The following DYTN variants were observed in gnomAD, a reference collection of about 807,000 sequenced individuals.
DYTN encodes dystrotelin.
Under a neutral mutation model 69.6 loss-of-function variants are expected in DYTN, and 75 were observed. The observed-to-expected ratio is 1.08, with a 90% CI of 0.89 to 1.31. The LOEUF (loss-of-function observed/expected upper bound fraction) is 1.31, where lower values mean the gene tolerates loss of function less well. Ranked by LOEUF, DYTN falls within the 50% of genes most tolerant of loss-of-function variation. The probability of loss-of-function intolerance (pLI) is 0.00; values close to 1 mark genes in which losing one functional copy is unlikely to be tolerated. For synonymous variants in DYTN, 252 were observed against 249.1 expected (o/e 1.01, Z -0.11); for missense variants, 726 against 688.4 (o/e 1.05, Z -0.61).
chr2:206,660,506 TA>T (rs1433178999), intron 11 of DYTN, among the ~76,000 whole-genome samples: 4 of 152,100 alleles, frequency 2.6e-5, no homozygotes, highest in African/African-American at 9.7e-5. Flanking sequence ...AAATAAAAAA[TA>T]AAAACAACAT....
chr2:206,660,209 C>T (rs1475669847), intron 11 of DYTN, among the ~76,000 whole-genome samples: 3 of 152,122 alleles, frequency 2.0e-5, no homozygotes, highest in African/African-American at 7.2e-5. Context: ...TACATTATTG[C>T]ATCAACTGAA....
At chr2:206,657,609 AT>A (rs1351713170) in intron 11 of DYTN, among the ~76,000 whole-genome samples, 2 of 152,116 alleles carry the variant, frequency 1.3e-5, no homozygotes, top group East Asian at 3.8e-4. Flanking sequence ...GCCTGTATAT[AT>A]TTACCTTTAC....
chr2:206,694,206 G>A (rs1574598902), intron 8 of DYTN, among the ~76,000 whole-genome samples: 1 of 152,238 alleles, frequency 6.6e-6, no homozygotes, highest in East Asian at 1.9e-4. Context: ...TTCTTACAAA[G>A]AACTGAATTC....
At chr2:206,705,923 T>G in intron 3 of DYTN, 50 bp from the exon 4 acceptor site, 1 of 1,582,614 alleles carries the variant, frequency 6.3e-7, no homozygotes, top group Non-Finnish European at 8.6e-7. Context: ...CAGGGTTACC[T>G]TTGGTGTAAT....
intron 11 of DYTN, among the ~76,000 whole-genome samples, chr2:206,662,505 A>G (rs2115589): frequency 0.031 from 4,756 of 152,230 alleles, 106 homozygotes; most frequent in Middle Eastern, 0.061. Context: ...CTTATAACAT[A>G]GAAACTGCAA....
At chr2:206,710,391 G>C (rs936834208) in intron 2 of DYTN, 133 bp downstream of exon 2, 33 of 789,784 alleles carry the variant, frequency 4.2e-5, no homozygotes, top group Middle Eastern at 2.3e-4. Context: ...TCACGAATGG[G>C]CTAAATGCAC....
chr2:206,653,410 T>C (rs1699409527), intron 11 of DYTN, among the ~76,000 whole-genome samples: 1 of 152,194 alleles, frequency 6.6e-6, no homozygotes, highest in Non-Finnish European at 1.5e-5. Context: ...TGAATTAATA[T>C]AGCACATAGG....
intron 1 of DYTN, among the ~76,000 whole-genome samples, chr2:206,715,159 G>A (rs1236641160): frequency 1.3e-5 from 2 of 152,086 alleles, no homozygotes; most frequent in East Asian, 1.9e-4. Flanking sequence ...TGGGAATCAG[G>A]GAACAGGCAG....
At chr2:206,682,105 G>A (rs1255522507) in intron 9 of DYTN, among the ~76,000 whole-genome samples, 2 of 152,064 alleles carry the variant, frequency 1.3e-5, no homozygotes, top group African/African-American at 4.8e-5. Context: ...TTAGTCTTGG[G>A]AAGGGTGTGT....
At chr2:206,714,006 G>A (rs913458683) in intron 1 of DYTN, among the ~76,000 whole-genome samples, 1 of 152,182 alleles carries the variant, frequency 6.6e-6, no homozygotes, top group Non-Finnish European at 1.5e-5. Flanking sequence ...ACAAGGAACT[G>A]CTTGGTGTAC....
chr2:206,674,398 G>A (rs1336801635), intron 9 of DYTN, among the ~76,000 whole-genome samples: 1 of 152,066 alleles, frequency 6.6e-6, no homozygotes, highest in East Asian at 1.9e-4. Context: ...AAAGTTGACT[G>A]AAGAAAGCAT....
intron 11 of DYTN, 124 bp downstream of exon 11, chr2:206,662,779 T>C: frequency 4.3e-6 from 6 of 1,404,050 alleles, no homozygotes; most frequent in Non-Finnish European, 5.7e-6. Context: ...TGATAACCAA[T>C]AGATTCAGAG....
intron 9 of DYTN, among the ~76,000 whole-genome samples, chr2:206,691,418 A>AT (rs1245999443): frequency 2.6e-5 from 4 of 151,984 alleles, no homozygotes; most frequent in African/African-American, 9.7e-5. Context: ...ATCTTAAAAA[A>AT]AAAATATATA....
intron 11 of DYTN, among the ~76,000 whole-genome samples, chr2:206,660,538 A>C (rs935266495): frequency 6.6e-6 from 1 of 152,246 alleles, no homozygotes; most frequent in Non-Finnish European, 1.5e-5. Flanking sequence ...AAGACTAAAA[A>C]ACTTTTCTAT....
intron 9 of DYTN, among the ~76,000 whole-genome samples, chr2:206,687,577 T>A (rs1699825099): frequency 6.6e-6 from 1 of 152,172 alleles, no homozygotes; most frequent in Non-Finnish European, 1.5e-5. Context: ...TATTCCTTCA[T>A]GATTTTTTGT....
chr2:206,655,190 G>T (rs1316116455), intron 11 of DYTN, among the ~76,000 whole-genome samples: 1 of 151,634 alleles, frequency 6.6e-6, no homozygotes, highest in African/African-American at 2.4e-5. Flanking sequence ...TTTCTCATGA[G>T]AGTGTATTGA....
chr2:206,673,650 T>A (rs1423722030), intron 9 of DYTN, among the ~76,000 whole-genome samples: 5 of 152,264 alleles, frequency 3.3e-5, no homozygotes. Context: ...CTGTAAGTTA[T>A]AATCAGAAGT....
intron 9 of DYTN, among the ~76,000 whole-genome samples, chr2:206,667,995 C>A (rs570040875): frequency 6.6e-6 from 1 of 152,294 alleles, no homozygotes; most frequent in Non-Finnish European, 1.5e-5. Flanking sequence ...AGCCCTCTAA[C>A]TTCCAGACAG....
intron 11 of DYTN, among the ~76,000 whole-genome samples, chr2:206,656,085 G>T (rs867910955): frequency 1.3e-5 from 2 of 152,052 alleles, no homozygotes; most frequent in South Asian, 4.2e-4. Flanking sequence ...GTTTATTGAA[G>T]TCCCCTACTA....
Sources: gnomAD v4.1 joint callset for allele counts (sites outside exome capture counted in the v4.1 genomes callset) on GRCh38, gnomAD v4.1.1 for gene constraint, MANE v1.5 for transcripts, NCBI Gene and HGNC (gene_info 2026-07-23, HGNC 2026-07-21) for gene names.